ZNF362: variants seen among roughly 807,000 people sequenced by gnomAD.
The protein encoded by ZNF362 is zinc finger protein 362.
In ZNF362, 11 loss-of-function variants were observed where a neutral mutation model predicts 42.9. The observed-to-expected ratio is 0.26, with a 90% CI of 0.16 to 0.42. The LOEUF is 0.42. ZNF362 is among the 20% of genes least tolerant of loss of function. The pLI is 1.00. For missense variants in ZNF362, 362 were observed against 576.2 expected, an observed-to-expected ratio of 0.63 and a Z score of 3.81; for synonymous variants, 255 against 257.3, an observed-to-expected ratio of 0.99 and a Z score of 0.09.
chr1:33,141,649 C>T, the ZNF362 span, among the ~76,000 whole-genome samples: 4 of 152,284 alleles, frequency 2.6e-5, no homozygotes, highest in South Asian at 8.3e-4. Context: ...ACAGTGTCAA[C>T]CCTTCCCCCT....
chr1:33,212,894 C>A, the ZNF362 span, among the ~76,000 whole-genome samples: 1 of 152,162 alleles, frequency 6.6e-6, no homozygotes, highest in Non-Finnish European at 1.5e-5. Context: ...AAGATTTGTA[C>A]ACAAATGTTT....
At chr1:33,207,309 C>T in the ZNF362 span, among the ~76,000 whole-genome samples, 1 of 152,146 alleles carries the variant, frequency 6.6e-6, no homozygotes, top group Non-Finnish European at 1.5e-5. Flanking sequence ...CATAGTATTC[C>T]ATGGTGTATA....
chr1:33,268,793 T>C (rs1024915341), intron 1 of ZNF362, among the ~76,000 whole-genome samples: 1 of 152,104 alleles, frequency 6.6e-6, no homozygotes, highest in Non-Finnish European at 1.5e-5. Context: ...GGGCCGCACA[T>C]GTAAGGCTTA....
the ZNF362 span, among the ~76,000 whole-genome samples, chr1:33,154,042 T>A: frequency 2.6e-5 from 4 of 151,576 alleles, no homozygotes; most frequent in African/African-American, 9.7e-5. Context: ...CCAAGGAGAG[T>A]AAGAGTTGGC....
chr1:33,128,371 C>T, the ZNF362 span, among the ~76,000 whole-genome samples: 7 of 152,066 alleles, frequency 4.6e-5, no homozygotes. Context: ...AGTGAGACCT[C>T]GTCTCCAAAA....
Position 33,280,256 on chromosome 1 carries a change from C to A in ZNF362, c.482C>A (p.Pro161His). Residue 161 changes from proline to histidine, a missense_variant, in exon 5 of 9, where the codon CCC (proline) becomes CAC (histidine). Physicochemically the swap from Pro to His is moderately conservative, Grantham distance 77 (BLOSUM62 -2). Coordinates refer to ENST00000539719, the MANE Select transcript of ZNF362 (RefSeq NM_152493.3). This position sits in a 1 kb window ranked among gnomAD's most constrained non-coding sequence, Gnocchi z 5.6. The stretch of plus-strand genomic sequence containing the variant: ...CAGAGCCGCCTCATCGCCTCGTCCC[C>A]CACCCTCATCTCAGGGATCACCAGC... ...TSQSRLIASS[P>H]TLISGITSPP... The A allele has an allele frequency of 6.2e-7, 1 of 1,614,064 alleles. No homozygotes were observed. Among genetic ancestry groups the A allele is most frequent in the Non-Finnish European group, 8.5e-7 (1 of 1,179,920 alleles).
At chr1:33,238,381 T>TAAAATTAAATAAATA in the ZNF362 span, among the ~76,000 whole-genome samples, 1 of 105,530 alleles carries the variant, frequency 9.5e-6, no homozygotes, top group Non-Finnish European at 2.0e-5. Context: ...TAAAATAAAA[T>TAAAATTAAATAAATA]AAATAAAATA....
chr1:33,190,987 C>A, the ZNF362 span, among the ~76,000 whole-genome samples: 1 of 152,214 alleles, frequency 6.6e-6, no homozygotes, highest in Admixed American at 6.5e-5. Flanking sequence ...TTCCTAGCAC[C>A]AGTTTCCAAC....
At chr1:33,141,714 C>G in the ZNF362 span, among the ~76,000 whole-genome samples, 1 of 152,078 alleles carries the variant, frequency 6.6e-6, no homozygotes, top group Non-Finnish European at 1.5e-5. Context: ...TATGATAGAA[C>G]TGTTGAAATT....
chr1:33,168,672 G>C, the ZNF362 span, among the ~76,000 whole-genome samples: 5 of 152,256 alleles, frequency 3.3e-5, no homozygotes, highest in African/African-American at 4.8e-5. Flanking sequence ...TTCGTGTGCA[G>C]CTTGAGCGGA....
At chr1:33,265,509 G>C (rs770741519) in intron 1 of ZNF362, among the ~76,000 whole-genome samples, 1 of 152,044 alleles carries the variant, frequency 6.6e-6, no homozygotes, top group Non-Finnish European at 1.5e-5. Flanking sequence ...TTTCCTTCCG[G>C]GGAAGGAAGT....
the ZNF362 span, among the ~76,000 whole-genome samples, chr1:33,143,873 A>G: frequency 6.6e-6 from 1 of 152,364 alleles, no homozygotes; most frequent in South Asian, 2.1e-4. Flanking sequence ...GTTTGCCAGC[A>G]TAATTTCACA....
chr1:33,242,593 TAAGAA>T, the ZNF362 span, among the ~76,000 whole-genome samples: 1 of 152,060 alleles, frequency 6.6e-6, no homozygotes, highest in Admixed American at 6.6e-5. Context: ...AAAAACTCTC[TAAGAA>T]AGACACGGAA....
chr1:33,149,677 A>G, the ZNF362 span, among the ~76,000 whole-genome samples: 1 of 151,858 alleles, frequency 6.6e-6, no homozygotes, highest in Non-Finnish European at 1.5e-5. Flanking sequence ...CTGGTCTCGA[A>G]CTCCTGGCCT....
the ZNF362 span, among the ~76,000 whole-genome samples, chr1:33,185,334 G>T: frequency 6.6e-6 from 1 of 151,808 alleles, no homozygotes; most frequent in Non-Finnish European, 1.5e-5. Context: ...CAATTCTTGT[G>T]CTTCAGCCTC....
chr1:33,265,823 A>C (rs1056911060), intron 1 of ZNF362, among the ~76,000 whole-genome samples: 26 of 151,716 alleles, frequency 1.7e-4, no homozygotes, highest in Non-Finnish European at 2.1e-4. Context: ...ATGTTCTTTC[A>C]CCGGAGCACC....
At chr1:33,130,139 A>G in the ZNF362 span, among the ~76,000 whole-genome samples, 1 of 152,160 alleles carries the variant, frequency 6.6e-6, no homozygotes, top group South Asian at 2.1e-4. Context: ...GATTACAGGT[A>G]TGAACCACTG....
chr1:33,164,698 C>G, the ZNF362 span: 1 of 152,226 alleles, frequency 6.6e-6, no homozygotes, highest in Non-Finnish European at 1.5e-5. Context: ...GGAGATGATA[C>G]CAGGGCTGGG....
intron 1 of ZNF362, among the ~76,000 whole-genome samples, chr1:33,256,985 C>T (rs1645797409): frequency 6.6e-6 from 1 of 152,010 alleles, no homozygotes; most frequent in African/African-American, 2.4e-5. Flanking sequence ...TGCAATTCTC[C>T]GGTAAACAAT....
Sources: gnomAD v4.1 joint callset for allele counts (sites outside exome capture counted in the v4.1 genomes callset) on GRCh38, gnomAD v4.1.1 for gene constraint, Gnocchi (gnomAD v3.1) non-coding constraint, MANE v1.5 for transcripts, NCBI Gene and HGNC (gene_info 2026-07-23, HGNC 2026-07-21) for gene names.